KCMF1: variants seen among roughly 807,000 people sequenced by gnomAD.
The protein encoded by KCMF1 is E3 ubiquitin-protein ligase KCMF1.
KCMF1 carries 3 observed loss-of-function variants against 41.1 expected under a neutral mutation model. The ratio of observed to expected loss-of-function variants is 0.07; its 90% CI spans 0.03 to 0.19. The LOEUF (loss-of-function observed/expected upper bound fraction) is 0.19, where lower values mean the gene tolerates loss of function less well. Among genes scored for constraint, KCMF1 ranks in the 10% least tolerant of loss-of-function variants. KCMF1 has a pLI of 1.00. For missense variants in KCMF1, 286 were observed against 488.9 expected (o/e 0.58, Z 3.91); for synonymous variants, 142 against 164.5 (o/e 0.86, Z 1.04).
intron 4 of KCMF1, among the ~76,000 whole-genome samples, chr2:85,044,380 C>CTT (rs549556240): frequency 0.01 from 1,549 of 148,656 alleles, 18 homozygotes; most frequent in African/African-American, 0.036. Flanking sequence ...CTTTTCTTTT[C>CTT]TTTTTTTTTT....
intron 2 of KCMF1, among the ~76,000 whole-genome samples, chr2:85,029,597 T>G (rs1675212858): frequency 7.3e-6 from 1 of 137,442 alleles, no homozygotes; most frequent in Non-Finnish European, 1.5e-5. Context: ...AGACGCTATC[T>G]CAAAAAAAAA....
chr2:85,045,671 CAT>C (rs1202623054), intron 4 of KCMF1, among the ~76,000 whole-genome samples: 1 of 152,158 alleles, frequency 6.6e-6, no homozygotes, highest in East Asian at 1.9e-4. Context: ...TGATAAATGT[CAT>C]GTTAATCTAT....
chr2:85,044,432 T>G (rs1028386823), intron 4 of KCMF1, among the ~76,000 whole-genome samples: 1 of 152,114 alleles, frequency 6.6e-6, no homozygotes, highest in Non-Finnish European at 1.5e-5. Context: ...TGGAGTACAA[T>G]GGTGCTATCT....
chr2:85,006,582 A>C (rs1039508848), intron 1 of KCMF1, among the ~76,000 whole-genome samples: 7 of 151,480 alleles, frequency 4.6e-5, no homozygotes, highest in African/African-American at 1.5e-4. Flanking sequence ...TACAGGCGTG[A>C]GCCACCGCGC....
At chr2:84,984,107 A>C (rs1673836014) in intron 1 of KCMF1, among the ~76,000 whole-genome samples, 1 of 152,112 alleles carries the variant, frequency 6.6e-6, no homozygotes, top group Non-Finnish European at 1.5e-5. Flanking sequence ...CTGGCTGGCC[A>C]TGGTGGCTCA....
intron 1 of KCMF1, among the ~76,000 whole-genome samples, chr2:84,985,246 A>G (rs1673873056): frequency 1.3e-5 from 2 of 152,168 alleles, no homozygotes; most frequent in South Asian, 2.1e-4. Flanking sequence ...CTCGCATTGT[A>G]GGCTGTGTTG....
At chr2:85,011,783 G>T (rs988768836) in intron 1 of KCMF1, among the ~76,000 whole-genome samples, 1 of 152,190 alleles carries the variant, frequency 6.6e-6, no homozygotes, top group Non-Finnish European at 1.5e-5. Flanking sequence ...GCAGATCCTA[G>T]ACCATGGTTT....
chr2:84,983,653 C>T (rs1322074482), intron 1 of KCMF1, among the ~76,000 whole-genome samples: 3 of 152,142 alleles, frequency 2.0e-5, no homozygotes, highest in Admixed American at 1.3e-4. Flanking sequence ...GGATTACAGG[C>T]ACCTGCCACC....
chr2:85,038,339 T>C (rs956673933), intron 3 of KCMF1, among the ~76,000 whole-genome samples: 36 of 152,212 alleles, frequency 2.4e-4, no homozygotes, highest in Non-Finnish European at 5.9e-5. Context: ...TTTATTTATA[T>C]TGGCAAAATG....
At chr2:85,008,312 T>TATATAATATATAATATATAATATATATA in intron 1 of KCMF1, among the ~76,000 whole-genome samples, 1 of 18,108 alleles carries the variant, frequency 5.5e-5, no homozygotes, top group Admixed American at 1.1e-3. Context: ...TATAATATGA[T>TATATAATATATAATATATAATATATATA]ATATATATCA....
intron 1 of KCMF1, among the ~76,000 whole-genome samples, chr2:84,977,597 C>CT (rs2103961284): frequency 6.9e-6 from 1 of 144,648 alleles, no homozygotes; most frequent in South Asian, 2.2e-4. Context: ...TTTTTTTTTT[C>CT]TTTTTTGTAG....
chr2:84,980,292 G>A (rs1673697581), intron 1 of KCMF1, among the ~76,000 whole-genome samples: 1 of 152,162 alleles, frequency 6.6e-6, no homozygotes, highest in South Asian at 2.1e-4. Context: ...GTGGCCAGGT[G>A]GGTGTTGGCA....
chr2:85,003,336 G>T (rs997865635), intron 1 of KCMF1, among the ~76,000 whole-genome samples: 1 of 152,108 alleles, frequency 6.6e-6, no homozygotes, highest in Non-Finnish European at 1.5e-5. Context: ...AAATTAGCCA[G>T]GCGTGGTGGC....
At chr2:85,021,893 T>C (rs1341764667) in intron 1 of KCMF1, among the ~76,000 whole-genome samples, 2 of 152,118 alleles carry the variant, frequency 1.3e-5, no homozygotes, top group Admixed American at 1.3e-4. Flanking sequence ...CTCGGCTCAC[T>C]ACAACCTCCG....
At chr2:85,018,812 T>C (rs1348568393) in intron 1 of KCMF1, among the ~76,000 whole-genome samples, 6 of 141,286 alleles carry the variant, frequency 4.2e-5, no homozygotes, top group Non-Finnish European at 7.7e-5. Context: ...TTTTTTTTTT[T>C]TTTTTTTTTT....
chr2:85,009,109 A>AG (rs1181346627), intron 1 of KCMF1, among the ~76,000 whole-genome samples: 1 of 152,104 alleles, frequency 6.6e-6, no homozygotes, highest in African/African-American at 2.4e-5. Context: ...TGTAATCCTC[A>AG]TATGTCAGTG....
intron 4 of KCMF1, among the ~76,000 whole-genome samples, chr2:85,044,813 C>T (rs1292100950): frequency 6.6e-6 from 1 of 152,242 alleles, no homozygotes; most frequent in Non-Finnish European, 1.5e-5. Flanking sequence ...CCACCACGCC[C>T]AGCCTCTTGC....
chr2:84,997,764 C>CTTTTTTTTT (rs112460793), intron 1 of KCMF1, among the ~76,000 whole-genome samples: 16 of 80,248 alleles, frequency 2.0e-4, no homozygotes, highest in African/African-American at 3.5e-4. Flanking sequence ...AATACATTTT[C>CTTTTTTTTT]TTTTTTTTTT....
intron 1 of KCMF1, among the ~76,000 whole-genome samples, chr2:85,017,825 C>T (rs1001392941): frequency 4.3e-4 from 66 of 151,830 alleles, no homozygotes; most frequent in African/African-American, 1.5e-3. Context: ...AAGCTGTAAA[C>T]GAATATTAAA....
Sources: allele counts gnomAD v4.1 joint callset (sites outside exome capture counted in the v4.1 genomes callset), GRCh38; gene constraint gnomAD v4.1.1; transcripts MANE v1.5; gene names NCBI Gene and HGNC (gene_info 2026-07-23, HGNC 2026-07-21).